Variants in TEP1 observed in about 807,000 individuals in gnomAD.
TEP1 encodes telomerase associated protein 1.
A neutral mutation model predicts 306.3 loss-of-function variants in TEP1; 241 were observed. The ratio of observed to expected loss-of-function variants is 0.79; its 90% CI spans 0.71 to 0.88. TEP1 has a LOEUF of 0.88. Ranked by LOEUF, TEP1 falls within the 40% of genes least tolerant of loss-of-function variation. The pLI is 0.00. For missense variants in TEP1, 3,051 were observed against 3,276.1 expected (o/e 0.93, Z 1.68); for synonymous variants, 1,289 against 1,305.5 (o/e 0.99, Z 0.27).
rs202122820 is a variant in TEP1 at position 20,384,193 on chromosome 14, C to T, written c.3379G>A (p.Asp1127Asn). The change falls in exon 24 of 55, where the codon GAT becomes AAT. Residue 1127 changes from aspartate (D) to asparagine (N), a missense_variant. Asp to Asn is a conservative substitution (Grantham distance 23). Coordinates refer to ENST00000262715, the MANE Select transcript of TEP1 (RefSeq NM_007110.5). ...LLEQPVSIPDDDLVQATFQQL... is the reference protein window; with the variant it reads ...LLEQPVSIPDNDLVQATFQQL... The stretch of plus-strand genomic sequence containing the variant: ...TGGAAGGTGGCCTGGACCAAGTCAT[C>T]GTCTGGGATGGACACTGGCTGCTCC... 2.4e-4 allele frequency: 383 copies of T among 1,614,140 alleles called. No homozygotes were observed. The highest frequency in any genetic ancestry group is 6.0e-4 in the Admixed American group (36 of 60,018).
Position 20,407,962 on chromosome 14 carries a change from G to C in TEP1, c.478C>G (p.Gln160Glu), listed in dbSNP as rs1449270474. ...LLSEPPSWRAQHFSKGLDLST... is the reference protein window; with the variant it reads ...LLSEPPSWRAEHFSKGLDLST... ...AGGTCTAGTCCCTTAGAGAAATGCT[G>C]AGCCCTCCAACTTGGAGGCTCAGAG... The change falls in exon 2 of 55, where the codon CAG becomes GAG. Residue 160 changes from glutamine to glutamate, a missense_variant. By Grantham distance (29) the Gln-to-Glu change is conservative. Coordinates refer to ENST00000262715, the MANE Select transcript of TEP1 (RefSeq NM_007110.5). 6.2e-7 allele frequency: 1 copy of C among 1,614,066 alleles called. No individual in the cohort carries two copies. Among genetic ancestry groups the C allele is most frequent in the African/African-American group, 1.3e-5 (1 of 74,914 alleles).
At chr14:20,404,987 A>G (rs940817223) in intron 4 of TEP1, among the ~76,000 whole-genome samples, 4 of 152,152 alleles carry the variant, frequency 2.6e-5, no homozygotes, top group Non-Finnish European at 5.9e-5. Context: ...TTCTGAGTCT[A>G]CTGACTGCCT....
In TEP1 at chr14:20,405,458, A is replaced by T. The variant is rs773473617; in HGVS notation, c.863T>A (p.Ile288Asn). The change falls in exon 4 of 55, where the codon ATC (isoleucine) becomes AAC (asparagine). Residue 288 changes from isoleucine (I) to asparagine (N), a missense_variant. Physicochemically the swap from Ile to Asn is moderately radical, Grantham distance 149. This residue lies in a region of TEP1 where 1,507 missense variants were observed against 1,550.5 expected (regional missense o/e 0.97). Coordinates refer to ENST00000262715, the MANE Select transcript of TEP1 (RefSeq NM_007110.5). ...RELALLEPEF[I>N]LKASLYARQQ... ...TCCTTCACACCTCAATACCTTGAGG[A>T]TAAACTCAGGCTCCAGGAGGGCAAG... 1 of 1,614,048 alleles carries T rather than the reference A, an allele frequency of 6.2e-7. No individual in the cohort carries two copies. The highest frequency in any genetic ancestry group is 8.5e-7 in the Non-Finnish European group (1 of 1,179,990).
At chr14:20,401,391 G>A in intron 8 of TEP1, 66 bp downstream of exon 8, 1 of 1,596,128 alleles carries the variant, frequency 6.3e-7, no homozygotes, top group Non-Finnish European at 8.5e-7. Context: ...TGGGATGGGG[G>A]CCACGGATGT....
In TEP1 at chr14:20,373,513, T is replaced by C; in HGVS notation, c.6675A>G (p.Pro2225=). 6.2e-7 allele frequency: 1 copy of C among 1,613,864 alleles called. No homozygotes were observed. The highest frequency in any genetic ancestry group is 8.5e-7 in the Non-Finnish European group (1 of 1,179,966). ...GLDGATRLWH[P]LLVCQTHTLL... ...GGTCCTTGCAGGAACTCACCAAGAG[T>C]GGATGCCATAACCGTGTGGCCCCAT... is the stretch of plus-strand genomic sequence containing the variant. The change falls in exon 46 of 55, where the codon CCA becomes CCG. Residue 2225 remains proline, a synonymous_variant. Transcript: ENST00000262715.
Position 20,372,816 on chromosome 14 carries a change from G to A in TEP1, c.6993C>T (p.His2331=), listed in dbSNP as rs1884927846. The A allele has an allele frequency of 6.2e-7, 1 of 1,614,192 alleles. No homozygotes were observed. The highest frequency in any genetic ancestry group is 8.5e-7 in the Non-Finnish European group (1 of 1,180,036). Residue 2331 remains histidine, a synonymous_variant, in exon 49 of 55, where the codon CAC becomes CAT. Coordinates refer to ENST00000262715, the MANE Select transcript of TEP1 (RefSeq NM_007110.5). Reference sequence around the variant, plus strand: ...CATCAGCACTGAGGACAAAAAAGGTGTGTGCCGAGGACCAGATCAGAGCAC... The same window carrying A: ...CATCAGCACTGAGGACAAAAAAGGTATGTGCCGAGGACCAGATCAGAGCAC... The part of the protein sequence containing the change: ...HIGALIWSSA[H]TFFVLSADEK...
At position 20,401,576 on chromosome 14, in the gene TEP1, C is replaced by G. The variant is rs772488924; in HGVS notation, c.1272G>C (p.Glu424Asp). Reference protein sequence around the residue: ...GFLREEQRKFEKAGDTVSEKK... With the variant: ...GFLREEQRKFDKAGDTVSEKK... The stretch of plus-strand genomic sequence containing the variant: ...TCTCTGACACTGTATCACCGGCCTT[C>G]TCAAACTGTGGAAACATCCCCAAGT... Residue 424 changes from glutamate to aspartate, a missense_variant, in exon 8 of 55, where the codon GAG becomes GAC. Physicochemically the swap from Glu to Asp is conservative, Grantham distance 45. This residue lies in a region of TEP1 where 1,507 missense variants were observed against 1,550.5 expected (regional missense o/e 0.97). Coordinates refer to ENST00000262715, the MANE Select transcript of TEP1 (RefSeq NM_007110.5). 1 of 1,614,116 alleles carries G rather than the reference C, an allele frequency of 6.2e-7. No individual in the cohort carries two copies. The highest frequency in any genetic ancestry group is 1.7e-5 in the Admixed American group (1 of 60,004).
chr14:20,400,342 T>C (rs938583942), intron 9 of TEP1, among the ~76,000 whole-genome samples: 1 of 151,354 alleles, frequency 6.6e-6, no homozygotes, highest in African/African-American at 2.4e-5. Flanking sequence ...TTCCAGCACT[T>C]TGGGAGGCCA....
In TEP1 at chr14:20,383,200, G is replaced by C; in HGVS notation, c.4021C>G (p.Leu1341Val). The change falls in exon 27 of 55, where the codon CTG becomes GTG. Residue 1341 changes from leucine (L) to valine (V), a missense_variant. By Grantham distance (32) the Leu-to-Val change is conservative. This residue lies in a region of TEP1 where 1,540 missense variants were observed against 1,705.9 expected (regional missense o/e 0.90). Coordinates refer to ENST00000262715, the MANE Select transcript of TEP1 (RefSeq NM_007110.5). ...REELALYGKR[L>V]EESPFNNQMR... ...TGGTTGTTAAATGGTGACTCCTCCA[G>C]CCGCTTCCCGTACAGGGCCAGCTCC... 6.2e-7 allele frequency: 1 copy of C among 1,609,832 alleles called. No homozygotes were observed. Among genetic ancestry groups the C allele is most frequent in the Non-Finnish European group, 8.5e-7 (1 of 1,178,280 alleles).
intron 1 of TEP1, among the ~76,000 whole-genome samples, chr14:20,412,204 G>T (rs1348536713): frequency 6.6e-6 from 1 of 152,146 alleles, no homozygotes; most frequent in African/African-American, 2.4e-5. Context: ...AATACACTTT[G>T]CTCATGTCGT....
At position 20,388,003 on chromosome 14, in the gene TEP1, T is replaced by A. The variant is rs1227549622; in HGVS notation, c.2586A>T (p.Ile862=). The change falls in exon 18 of 55, where the codon ATA becomes ATT. Residue 862 remains isoleucine, a synonymous_variant. Coordinates refer to ENST00000262715, the MANE Select transcript of TEP1 (RefSeq NM_007110.5). ...TTCCTGGGGGTGGTGGAATCTTGAA[T>A]ATTTTGTCCATTTGGCCCACATGTT... is the stretch of plus-strand genomic sequence containing the variant. ...LLEHVGQMDK[I]FKIPPPPGKT... 1.2e-6 allele frequency: 2 copies of A among 1,614,024 alleles called. No individual in the cohort carries two copies. The highest frequency in any genetic ancestry group is 2.7e-5 in the African/African-American group (2 of 74,926).
chr14:20,370,988 T>C (rs2138994769), intron 51 of TEP1, among the ~76,000 whole-genome samples: 1 of 152,370 alleles, frequency 6.6e-6, no homozygotes, highest in South Asian at 2.1e-4. Flanking sequence ...TCTAGGTTTA[T>C]GGTTTCCTAT....
At position 20,369,358 on chromosome 14, in the gene TEP1, G is replaced by A. The variant is rs752463115; in HGVS notation, c.7642C>T (p.Arg2548Trp). 36 of 1,613,854 alleles carry A rather than the reference G, an allele frequency of 2.2e-5. No homozygotes were observed. Among genetic ancestry groups the A allele is most frequent in the East Asian group, 8.9e-5 (4 of 44,882 alleles). Residue 2548 changes from arginine to tryptophan, a missense_variant, in exon 53 of 55, where the codon CGG (arginine) becomes TGG (tryptophan). By Grantham distance (101) the Arg-to-Trp change is moderately radical. Coordinates refer to ENST00000262715, the MANE Select transcript of TEP1 (RefSeq NM_007110.5). ...TTCAAACTCACCTTTCTACGCTGCC[G>A]TGTCTTTAGATGTGGTGTTGGCTCA... ...DSEPTPHLKT[R>W]QRRKIHSGSV...
At chr14:20,405,356 C>A in intron 4 of TEP1, 95 bp downstream of exon 4, 2 of 1,334,322 alleles carry the variant, frequency 1.5e-6, no homozygotes, top group Non-Finnish European at 2.0e-6. Context: ...CCTCCCACCC[C>A]CAACATGAAG....
chr14:20,409,211 ACT>A (rs1342318868), intron 1 of TEP1, among the ~76,000 whole-genome samples: 1 of 152,044 alleles, frequency 6.6e-6, no homozygotes, highest in East Asian at 1.9e-4. Context: ...ATTGTTGATT[ACT>A]CTCTCATTAA....
chr14:20,389,432 G>A, intron 16 of TEP1, 135 bp from the exon 17 acceptor site: 3 of 1,409,198 alleles, frequency 2.1e-6, no homozygotes, highest in Non-Finnish European at 3.0e-6. Flanking sequence ...GGCTAGGGTG[G>A]ACTCTCACAG....
In TEP1 at chr14:20,384,083, C is replaced by T; in HGVS notation, c.3489G>A (p.Leu1163=). The T allele has an allele frequency of 6.2e-7, 1 of 1,613,708 alleles. No individual in the cohort carries two copies. Among genetic ancestry groups the T allele is most frequent in the Non-Finnish European group, 8.5e-7 (1 of 1,179,904 alleles). ...GTCCTGACTGCCCCGTCACCAGGCT[C>T]AGCCTTCCGTGGGGCAGCATCAGCC... ...VQRLMLPHGR[L]SLVTGQSGQG... Residue 1163 remains leucine, a synonymous_variant, in exon 24 of 55, where the codon CTG becomes CTA. Coordinates refer to ENST00000262715, the MANE Select transcript of TEP1 (RefSeq NM_007110.5).
rs150573285 is a variant in TEP1 at position 20,377,083 on chromosome 14, C to T, written c.6088+197G>A. ...ATATAAAATTAGCCGGGCGTGGAGG[C>T]GCATGCCTGTAATCCCAGCTACTCG... On this transcript the variant is annotated intron_variant, in intron 41 of 54. Transcript: ENST00000262715. 2.4e-3 allele frequency among the ~76,000 whole-genome samples: 372 copies of T among 152,072 alleles called. 2 individuals are homozygous for T. Among genetic ancestry groups the T allele is most frequent in the African/African-American group, 8.3e-3 (346 of 41,466 alleles).
intron 15 of TEP1, among the ~76,000 whole-genome samples, chr14:20,390,104 C>G (rs1877563897): frequency 6.6e-6 from 1 of 152,158 alleles, no homozygotes; most frequent in South Asian, 2.1e-4. Context: ...TTGACACACA[C>G]CAGTACTCCC....
Sources: gnomAD v4.1 joint callset for allele counts (sites outside exome capture counted in the v4.1 genomes callset) on GRCh38, gnomAD v4.1.1 for gene constraint, gnomAD v4.1.1 regional missense constraint, MANE v1.5 for transcripts, NCBI Gene and HGNC (gene_info 2026-07-23, HGNC 2026-07-21) for gene names.